Variants in XKR9 observed in about 807,000 individuals in gnomAD.
XKR9 encodes XK related 9.
Under a neutral mutation model 32.0 loss-of-function variants are expected in XKR9, and 32 were observed. The ratio of observed to expected loss-of-function variants is 1.00; its 90% CI spans 0.76 to 1.34. XKR9 has a LOEUF of 1.34. XKR9 is among the 40% of genes most tolerant of loss of function. XKR9 has a pLI of 0.00. For missense variants in XKR9, 546 were observed against 429.7 expected, an observed-to-expected ratio of 1.27 and a Z score of -2.39; for synonymous variants, 168 against 143.4, an observed-to-expected ratio of 1.17 and a Z score of -1.22.
chr8:70,746,097 C>T (rs1256013890), intron 2 of XKR9, among the ~76,000 whole-genome samples: 1 of 151,500 alleles, frequency 6.6e-6, no homozygotes, highest in Non-Finnish European at 1.5e-5. Context: ...AAGATTTGTG[C>T]CTTTTATTTT....
At chr8:70,821,181 C>T in the XKR9 span, among the ~76,000 whole-genome samples, 48,557 of 152,058 alleles carry the variant, frequency 0.32, 9,119 homozygotes, top group Non-Finnish European at 0.43. Context: ...GGCTACAGGC[C>T]CCATGCAAGT....
intron 2 of XKR9, among the ~76,000 whole-genome samples, chr8:70,741,932 T>G (rs1195310407): frequency 6.6e-6 from 1 of 151,692 alleles, no homozygotes; most frequent in Admixed American, 6.6e-5. Context: ...TGCCCCAGTT[T>G]CTCTATATCC....
At chr8:70,924,837 C>A in the XKR9 span, among the ~76,000 whole-genome samples, 1 of 152,156 alleles carries the variant, frequency 6.6e-6, no homozygotes, top group Non-Finnish European at 1.5e-5. Context: ...TCAAATAGCA[C>A]CAAATAAGAT....
the XKR9 span, among the ~76,000 whole-genome samples, chr8:70,845,701 C>G: frequency 1.3e-5 from 2 of 151,994 alleles, no homozygotes; most frequent in Non-Finnish European, 2.9e-5. Flanking sequence ...GAAGCAAATT[C>G]AGAATGCAAA....
At chr8:70,980,554 A>G in the XKR9 span, among the ~76,000 whole-genome samples, 1 of 152,296 alleles carries the variant, frequency 6.6e-6, no homozygotes, top group East Asian at 1.9e-4. Flanking sequence ...GACAGCAGAA[A>G]CTTGGTTGGT....
At chr8:70,889,678 T>G in the XKR9 span, among the ~76,000 whole-genome samples, 1 of 151,958 alleles carries the variant, frequency 6.6e-6, no homozygotes, top group African/African-American at 2.4e-5. Context: ...AATATTTGAT[T>G]TTTTGTTTCT....
rs144458231 is a variant in XKR9 at position 70,781,797 on chromosome 8, G to A, written n.353-7542G>A. On this transcript the variant is annotated intron_variant and non_coding_transcript_variant, in intron 2 of 3. Coordinates refer to the XKR9 transcript ENST00000520273. Reference sequence around the variant, plus strand: ...AGAGTATACTCTTGATAGACATTTAGAACAAGCTTTCTCAAAAAGTGTGTT... The same window carrying A: ...AGAGTATACTCTTGATAGACATTTAAAACAAGCTTTCTCAAAAAGTGTGTT... Among the ~76,000 whole-genome samples the A allele has an allele frequency of 1.3e-3, 203 of 152,126 alleles. 1 individual carries two copies. The highest frequency in any genetic ancestry group is 2.4e-3 in the Non-Finnish European group (160 of 67,986).
At chr8:70,919,905 G>A in the XKR9 span, among the ~76,000 whole-genome samples, 1 of 152,108 alleles carries the variant, frequency 6.6e-6, no homozygotes, top group African/African-American at 2.4e-5. Context: ...TTTTGCACAG[G>A]GCTATTAGAG....
chr8:71,033,996 A>G, the XKR9 span, among the ~76,000 whole-genome samples: 1,489 of 152,298 alleles, frequency 9.8e-3, 27 homozygotes, highest in African/African-American at 0.034. Context: ...GCCACTCCAC[A>G]TGTTAAGATC....
At chr8:70,672,433 A>G (rs1003913048) in intron 1 of XKR9, among the ~76,000 whole-genome samples, 1 of 152,168 alleles carries the variant, frequency 6.6e-6, no homozygotes, top group Non-Finnish European at 1.5e-5. Flanking sequence ...TTATGGCCAA[A>G]TAGTATTTTA....
At chr8:70,860,585 C>T in the XKR9 span, among the ~76,000 whole-genome samples, 1 of 152,002 alleles carries the variant, frequency 6.6e-6, no homozygotes, top group Non-Finnish European at 1.5e-5. Flanking sequence ...TCTTCCTTCT[C>T]CTTTTCTTCC....
chr8:70,831,884 T>C, the XKR9 span, among the ~76,000 whole-genome samples: 209 of 152,304 alleles, frequency 1.4e-3, 1 homozygote, highest in Non-Finnish European at 1.8e-3. Flanking sequence ...TTTCCTGCTG[T>C]ATCCTCCTGC....
intron 3 of XKR9, among the ~76,000 whole-genome samples, chr8:70,703,340 A>G (rs2132167800): frequency 6.6e-6 from 1 of 152,058 alleles, no homozygotes; most frequent in South Asian, 2.1e-4. Context: ...GTGTTAGTCT[A>G]GTGAGGTGGC....
intron 2 of XKR9, among the ~76,000 whole-genome samples, chr8:70,748,363 G>A (rs1215107756): frequency 6.6e-6 from 1 of 152,242 alleles, no homozygotes; most frequent in Non-Finnish European, 1.5e-5. Context: ...AGGCTTGGAA[G>A]TGTCTGCTCC....
intron 4 of XKR9, among the ~76,000 whole-genome samples, chr8:70,717,840 T>G (rs1411585148): frequency 6.6e-6 from 1 of 152,184 alleles, no homozygotes. Context: ...TTTTCCAAAC[T>G]TTTATGCTCT....
At chr8:71,035,209 A>G in the XKR9 span, among the ~76,000 whole-genome samples, 174 of 152,328 alleles carry the variant, frequency 1.1e-3, no homozygotes, top group Non-Finnish European at 2.1e-3. Context: ...AACCATCGAC[A>G]TGTACATTGA....
the XKR9 span, among the ~76,000 whole-genome samples, chr8:70,862,094 G>A: frequency 6.6e-6 from 1 of 152,154 alleles, no homozygotes; most frequent in Non-Finnish European, 1.5e-5. Flanking sequence ...ATTGGAGGAT[G>A]TCTGGATGGC....
chr8:70,988,799 T>C, the XKR9 span, among the ~76,000 whole-genome samples: 1 of 152,230 alleles, frequency 6.6e-6, no homozygotes, highest in Non-Finnish European at 1.5e-5. Context: ...GCTGAATCTC[T>C]ATACCAATAA....
At chr8:70,692,156 AT>A (rs1805095904) in intron 3 of XKR9, among the ~76,000 whole-genome samples, 1 of 151,234 alleles carries the variant, frequency 6.6e-6, no homozygotes. Flanking sequence ...TAGGTGTTTT[AT>A]TTTTTATTTT....
Sources: allele counts gnomAD v4.1 joint callset (sites outside exome capture counted in the v4.1 genomes callset), GRCh38; gene constraint gnomAD v4.1.1; transcripts MANE v1.5; gene names NCBI Gene and HGNC (gene_info 2026-07-23, HGNC 2026-07-21).